IL10RB: variants seen among roughly 807,000 people sequenced by gnomAD.
The protein encoded by IL10RB is interleukin 10 receptor subunit beta, also known as interleukin-10 receptor subunit beta.
IL10RB carries 30 observed loss-of-function variants against 38.7 expected under a neutral mutation model. The ratio of observed to expected loss-of-function variants is 0.78; its 90% CI spans 0.58 to 1.05. The LOEUF is 1.05. Among genes scored for constraint, IL10RB ranks in the 50% least tolerant of loss-of-function variants. IL10RB has a pLI of 0.00. For synonymous variants in IL10RB, 142 were observed against 145.9 expected, an observed-to-expected ratio of 0.97 and a Z score of 0.19; for missense variants, 328 against 397.1, an observed-to-expected ratio of 0.83 and a Z score of 1.48.
chr21:33,302,332 T>C (rs2082987883), intron 1 of IL10RB, among the ~76,000 whole-genome samples: 1 of 152,260 alleles, frequency 6.6e-6, no homozygotes, highest in Non-Finnish European at 1.5e-5. Context: ...CTTTCATTTC[T>C]AGGGAAATGG....
At chr21:33,272,647 A>G (rs1222504448) in intron 2 of IL10RB, among the ~76,000 whole-genome samples, 1 of 152,144 alleles carries the variant, frequency 6.6e-6, no homozygotes, top group East Asian at 1.9e-4. Flanking sequence ...AGGACTCACC[A>G]CGTTGTCCAG....
At chr21:33,272,294 T>G (rs984992725) in intron 2 of IL10RB, among the ~76,000 whole-genome samples, 2 of 152,184 alleles carry the variant, frequency 1.3e-5, no homozygotes, top group African/African-American at 4.8e-5. Flanking sequence ...GACCCCTGTG[T>G]ACTTAATAAA....
chr21:33,276,087 G>A (rs557178164), intron 2 of IL10RB, among the ~76,000 whole-genome samples: 12 of 152,172 alleles, frequency 7.9e-5, no homozygotes, highest in Admixed American at 1.3e-4. Context: ...GCAGACCTTC[G>A]ATTTGTAAAA....
chr21:33,268,613 G>C, intron 2 of IL10RB, 96 bp downstream of exon 2: 6 of 886,114 alleles, frequency 6.8e-6, no homozygotes, highest in South Asian at 5.3e-5. Context: ...GTCTGACTAC[G>C]GTCACCGTGT....
chr21:33,296,124 G>C, intron 6 of IL10RB, 60 bp from the exon 7 acceptor site: 1 of 1,361,166 alleles, frequency 7.3e-7, no homozygotes, highest in Non-Finnish European at 1.1e-6. Flanking sequence ...AAAAATCTTT[G>C]TAAACCCAGA....
Position 33,296,732 on chromosome 21 carries a change from G to C in IL10RB, c.*375G>C. 1 of 371,564 alleles carries C rather than the reference G, an allele frequency of 2.7e-6. No homozygotes were observed. The allele number at this position is 371,564 out of a possible 1,614,324, so 23.0% of individuals were successfully genotyped here. On this transcript the variant is annotated 3_prime_UTR_variant, in exon 7 of 7. Coordinates refer to ENST00000290200, the MANE Select transcript of IL10RB (RefSeq NM_000628.5). ...AGAGGTCGAGGCAGGCGGATCACTT[G>C]AGGTCAGGAGTTCAAGACCAGCCTG...
rs115395082 is a variant in IL10RB, at chr21:33,302,584, A to G, written c.130-6392A>G. ...AGCCTAATCTAGAGATCTTGGGAAG[A>G]CCTGTTGCCGCAGAGTGATGACAAT... is the stretch of plus-strand genomic sequence containing the variant. On this transcript the variant is annotated intron_variant, in intron 1 of 1. Transcript: ENST00000609556. Among the ~76,000 whole-genome samples, 304 of 152,242 alleles carry G rather than the reference A, an allele frequency of 2.0e-3. 1 individual carries two copies. The highest frequency in any genetic ancestry group is 6.9e-3 in the African/African-American group (286 of 41,528).
chr21:33,292,782 A>C (rs918201313), intron 6 of IL10RB, among the ~76,000 whole-genome samples: 1 of 152,160 alleles, frequency 6.6e-6, no homozygotes, highest in Non-Finnish European at 1.5e-5. Flanking sequence ...AGACACTTCA[A>C]GGATATGCGA....
At chr21:33,272,437 A>G (rs936861875) in intron 2 of IL10RB, among the ~76,000 whole-genome samples, 2 of 151,960 alleles carry the variant, frequency 1.3e-5, no homozygotes, top group African/African-American at 4.8e-5. Flanking sequence ...TATTTTATAA[A>G]TTTTTAAATT....
At chr21:33,285,001 C>T (rs1989347765) in intron 5 of IL10RB, among the ~76,000 whole-genome samples, 1 of 152,196 alleles carries the variant, frequency 6.6e-6, no homozygotes, top group African/African-American at 2.4e-5. Flanking sequence ...AGCAATTCTA[C>T]TGCCTCAGCC....
chr21:33,306,618 G>A (rs771326440), intron 1 of IL10RB, among the ~76,000 whole-genome samples: 1 of 152,024 alleles, frequency 6.6e-6, no homozygotes, highest in Non-Finnish European at 1.5e-5. Flanking sequence ...CTGCAGCCTG[G>A]ACCCCACTGG....
chr21:33,282,461 G>A (rs1162503341), intron 4 of IL10RB, among the ~76,000 whole-genome samples: 1 of 152,160 alleles, frequency 6.6e-6, no homozygotes, highest in Non-Finnish European at 1.5e-5. Flanking sequence ...GCTTGAGCCT[G>A]GCAACGGAGG....
downstream of IL10RB, among the ~76,000 whole-genome samples, chr21:33,299,976 T>C (rs2082981613): frequency 6.6e-6 from 1 of 152,214 alleles, no homozygotes; most frequent in African/African-American, 2.4e-5. Context: ...TGTGAGTGTC[T>C]CTGGGAAACA....
chr21:33,267,763 TCCTC>T lies in IL10RB; in HGVS notation c.50-630_50-627del, dbSNP rs545166503. 9.9e-5 allele frequency among the ~76,000 whole-genome samples: 15 copies of T among 152,130 alleles called. No homozygotes were observed. The South Asian group carries it at 2.5e-3, about 25-fold the overall frequency. On this transcript the variant is annotated intron_variant, in intron 1 of 6. Coordinates refer to ENST00000290200, the MANE Select transcript of IL10RB (RefSeq NM_000628.5). Reference sequence around the variant, plus strand: ...ACTCCTGACCTCAGGTGATTCACCTTCCTCAGCCTCCCAAAGAGCTGGGATTACA... The same window carrying T: ...ACTCCTGACCTCAGGTGATTCACCTTAGCCTCCCAAAGAGCTGGGATTACA...
At chr21:33,305,572 G>T (rs769361560) in intron 1 of IL10RB, among the ~76,000 whole-genome samples, 7 of 152,158 alleles carry the variant, frequency 4.6e-5, no homozygotes, top group African/African-American at 1.2e-4. Flanking sequence ...TTGTAGCAGC[G>T]TAGGCAGGGT....
chr21:33,268,342 G>A (rs778629046), intron 1 of IL10RB, 52 bp from the exon 2 acceptor site: 1 of 1,612,902 alleles, frequency 6.2e-7, no homozygotes, highest in South Asian at 1.1e-5. Flanking sequence ...CTTTTTCATG[G>A]GCATCTGTTT....
chr21:33,308,534 C>T (rs2083004269), intron 1 of IL10RB: 1 of 152,174 alleles, frequency 6.6e-6, no homozygotes, highest in Admixed American at 6.5e-5. Context: ...GTAGAAAATT[C>T]TAAATGTCCT....
Position 33,288,159 on chromosome 21 carries a change from C to G in IL10RB, c.702C>G (p.Val234=), listed in dbSNP as rs1451793039. 6.2e-7 allele frequency: 1 copy of G among 1,614,110 alleles called. No homozygotes were observed. Among genetic ancestry groups the G allele is most frequent in the South Asian group, 1.1e-5 (1 of 91,074 alleles). The stretch of plus-strand genomic sequence containing the variant: ...TCCTCATGGCCTCGGTCTTCATGGT[C>G]TGCCTGGCACTCCTCGGCTGCTTCG... ...AVILMASVFM[V]CLALLGCFAL... is the part of the protein sequence containing the mutation. Residue 234 remains valine, a synonymous_variant, in exon 6 of 7, where the codon GTC becomes GTG. Transcript: ENST00000290200.
intron 6 of IL10RB, chr21:33,294,256 A>G: frequency 6.1e-6 from 2 of 328,634 alleles, no homozygotes; most frequent in Non-Finnish European, 6.0e-6. Flanking sequence ...TCCATTAACC[A>G]GGATCCAGAG....
Sources: allele counts gnomAD v4.1 joint callset (sites outside exome capture counted in the v4.1 genomes callset), GRCh38; gene constraint gnomAD v4.1.1; transcripts MANE v1.5; gene names NCBI Gene and HGNC (gene_info 2026-07-23, HGNC 2026-07-21).